Variants in RNF175 observed in about 807,000 individuals in gnomAD.
RNF175 encodes the protein ring finger protein 175.
Under a neutral mutation model 50.0 loss-of-function variants are expected in RNF175, and 38 were observed. The ratio of observed to expected loss-of-function variants is 0.76; its 90% CI spans 0.59 to 1.00. The LOEUF (loss-of-function observed/expected upper bound fraction) is 1.00. Ranked by LOEUF, RNF175 falls within the 50% of genes least tolerant of loss-of-function variation. RNF175 has a pLI of 0.00. For missense variants in RNF175, 388 were observed against 409.6 expected (o/e 0.95, Z 0.46); for synonymous variants, 155 against 146.1 (o/e 1.06, Z -0.44).
chr4:153,744,934 C>T (rs1184821034), intron 3 of RNF175, among the ~76,000 whole-genome samples: 1 of 152,058 alleles, frequency 6.6e-6, no homozygotes, highest in African/African-American at 2.4e-5. Flanking sequence ...TTCAAAATTG[C>T]CTAAACTTAA....
rs115507219 is a variant in RNF175 at position 153,725,128 on chromosome 4, G to C, written c.402-1670C>G. Among the ~76,000 whole-genome samples the C allele has an allele frequency of 1.7e-3, 260 of 151,336 alleles. 1 individual carries two copies. The highest frequency in any genetic ancestry group is 6.0e-3 in the African/African-American group (246 of 41,072). ...GGGAGTGGGCAGGGGTGAACTGCGT[G>C]GGGGAGTGGGCAGGGGTGAGTTAAG... On this transcript the variant is annotated intron_variant, in intron 4 of 8. Coordinates refer to ENST00000347063, the MANE Select transcript of RNF175 (RefSeq NM_173662.4).
intron 4 of RNF175, among the ~76,000 whole-genome samples, chr4:153,726,609 C>T (rs1391546207): frequency 2.0e-5 from 3 of 152,194 alleles, no homozygotes; most frequent in African/African-American, 4.8e-5. Flanking sequence ...CTTCATCCAG[C>T]TCCCCTAGCC....
chr4:153,726,117 T>A (rs1488835188), intron 4 of RNF175, among the ~76,000 whole-genome samples: 1 of 152,036 alleles, frequency 6.6e-6, no homozygotes. Flanking sequence ...TGTTTTGTTT[T>A]GTTTTTGAGG....
At chr4:153,743,489 G>A (rs1241126202) in intron 3 of RNF175, among the ~76,000 whole-genome samples, 3 of 152,192 alleles carry the variant, frequency 2.0e-5, no homozygotes, top group Non-Finnish European at 4.4e-5. Flanking sequence ...AAGTCTATGA[G>A]CTAACCCAGC....
chr4:153,759,710 G>T, intron 1 of RNF175, 87 bp downstream of exon 1: 2 of 879,038 alleles, frequency 2.3e-6, no homozygotes, highest in Non-Finnish European at 3.2e-6. Flanking sequence ...GGGTCTTGGA[G>T]ACCAGTCTGT....
chr4:153,747,315 C>A (rs1428510294), intron 3 of RNF175, among the ~76,000 whole-genome samples: 1 of 152,174 alleles, frequency 6.6e-6, no homozygotes, highest in Non-Finnish European at 1.5e-5. Context: ...ATCTTTAAAT[C>A]ATTTATCTCT....
chr4:153,725,080 G>A (rs1470615526), intron 4 of RNF175, among the ~76,000 whole-genome samples: 2 of 129,044 alleles, frequency 1.5e-5, no homozygotes, highest in Non-Finnish European at 3.3e-5. Flanking sequence ...GCGTGGGGGA[G>A]CGGGCAGGGG....
intron 3 of RNF175, among the ~76,000 whole-genome samples, chr4:153,747,673 G>A (rs1470741810): frequency 1.3e-5 from 2 of 152,116 alleles, no homozygotes; most frequent in Non-Finnish European, 2.9e-5. Flanking sequence ...CACCAGACTT[G>A]CCTTTAATAC....
chr4:153,732,779 A>G (rs1456796032), intron 3 of RNF175, among the ~76,000 whole-genome samples: 2 of 152,208 alleles, frequency 1.3e-5, no homozygotes, highest in African/African-American at 2.4e-5. Flanking sequence ...TTCTAGTTAA[A>G]TGCTGTTCAA....
At chr4:153,742,067 G>C (rs879446761) in intron 3 of RNF175, among the ~76,000 whole-genome samples, 3 of 152,048 alleles carry the variant, frequency 2.0e-5, no homozygotes, top group Non-Finnish European at 4.4e-5. Flanking sequence ...CTGAGGTCAG[G>C]AGTTTGAAAC....
chr4:153,713,822 G>T (rs2127086236), intron 7 of RNF175: 1 of 152,294 alleles, frequency 6.6e-6, no homozygotes, highest in Admixed American at 6.5e-5. Flanking sequence ...TCATTCAAAA[G>T]GGCTGGAATA....
At chr4:153,740,571 C>G (rs1739598999) in intron 3 of RNF175, among the ~76,000 whole-genome samples, 1 of 152,186 alleles carries the variant, frequency 6.6e-6, no homozygotes, top group Non-Finnish European at 1.5e-5. Context: ...CTAACTGAAA[C>G]TTTGTACTTG....
At position 153,710,407 on chromosome 4, in the gene RNF175, T is replaced by G. The variant is rs776789703; in HGVS notation, c.949A>C (p.Ile317Leu). 7.0e-6 allele frequency: 11 copies of G among 1,571,514 alleles called. No individual in the cohort carries two copies. The highest frequency in any genetic ancestry group is 9.5e-6 in the Non-Finnish European group (11 of 1,156,454). The change falls in exon 9 of 9, where the codon ATA (isoleucine) becomes CTA (leucine). Residue 317 changes from isoleucine (I) to leucine (L), a missense_variant. Ile to Leu is a conservative substitution (Grantham distance 5, BLOSUM62 2). Transcript: ENST00000347063. ...LVAWQPVVIG[I>L]VQGIIYSLGL... ...AGTGAATAGATAATGCCTTGAACTA[T>G]TCCTATCACCACAGGTTGCCAGGCC...
intron 5 of RNF175, among the ~76,000 whole-genome samples, chr4:153,722,297 G>T (rs1409704947): frequency 6.6e-6 from 1 of 152,194 alleles, no homozygotes; most frequent in Non-Finnish European, 1.5e-5. Context: ...GTTGGTCAAA[G>T]ATGTGGTTAT....
chr4:153,745,635 G>C (rs1244949895), intron 3 of RNF175: 1 of 152,166 alleles, frequency 6.6e-6, no homozygotes, highest in Non-Finnish European at 1.5e-5. Flanking sequence ...TGACAGTTTG[G>C]GTAATTTACA....
Position 153,710,465 on chromosome 4 carries a change from A to G in RNF175, c.891T>C (p.Tyr297=), listed in dbSNP as rs1298292107. ...AACGAAGCCAATCCAGGATTTGTCC[A>G]TACAGAAAATGTGTGCGCTCCCAGC... ...SNPWERTHFL[Y]GQILDWLRYL... The change falls in exon 9 of 9, where the codon TAT becomes TAC. Residue 297 remains tyrosine (Y), a synonymous_variant. Transcript: ENST00000347063. 1.0e-5 allele frequency: 16 copies of G among 1,607,714 alleles called. No individual in the cohort carries two copies. The highest frequency in any genetic ancestry group is 1.3e-5 in the Non-Finnish European group (15 of 1,176,928).
At chr4:153,743,436 G>A (rs1490444715) in intron 3 of RNF175, among the ~76,000 whole-genome samples, 4 of 152,088 alleles carry the variant, frequency 2.6e-5, no homozygotes. Context: ...ATAATTAGAT[G>A]GATTGATGTG....
At position 153,728,269 on chromosome 4, in the gene RNF175, G is replaced by C; in HGVS notation, c.339C>G (p.Ser113=). The C allele has an allele frequency of 6.2e-7, 1 of 1,613,300 alleles. No homozygotes were observed. Among genetic ancestry groups the C allele is most frequent in the Non-Finnish European group, 8.5e-7 (1 of 1,179,300 alleles). Reference sequence around the variant, plus strand: ...TGAAGAGGATGTAACTGGTAATAACGGAGAACATCCCCCACATAGACAGAA... The same window carrying C: ...TGAAGAGGATGTAACTGGTAATAACCGAGAACATCCCCCACATAGACAGAA... ...WRFLSMWGMF[S]VITSYILFRA... is the part of the protein sequence containing the mutation. Residue 113 remains serine (S), a synonymous_variant, in exon 4 of 9, where the codon TCC becomes TCG. Coordinates refer to ENST00000347063, the MANE Select transcript of RNF175 (RefSeq NM_173662.4).
At chr4:153,755,978 T>A (rs1047178080) in intron 1 of RNF175, among the ~76,000 whole-genome samples, 1 of 152,228 alleles carries the variant, frequency 6.6e-6, no homozygotes, top group Admixed American at 6.5e-5. Context: ...TATGTAAATG[T>A]ATAGTTACAT....
Sources: allele counts gnomAD v4.1 joint callset (sites outside exome capture counted in the v4.1 genomes callset), GRCh38; gene constraint gnomAD v4.1.1; transcripts MANE v1.5; gene names NCBI Gene and HGNC (gene_info 2026-07-23, HGNC 2026-07-21).